The following TARDBP variants were observed in gnomAD, a reference collection of about 807,000 sequenced individuals.
TARDBP encodes the protein TAR DNA binding protein, also known as TAR DNA-binding protein 43.
In TARDBP, 4 loss-of-function variants were observed where a neutral mutation model predicts 38.3. That is an observed-to-expected ratio of 0.10 (90% CI 0.05 to 0.24). The LOEUF (loss-of-function observed/expected upper bound fraction) is 0.24, where lower values mean the gene tolerates loss of function less well. Ranked by LOEUF, TARDBP falls within the 10% of genes least tolerant of loss-of-function variation. The pLI is 1.00. For synonymous variants in TARDBP, 184 were observed against 183.8 expected (o/e 1.00, Z -0.01); for missense variants, 202 against 521.9 (o/e 0.39, Z 5.97).
downstream of TARDBP, chr1:11,027,603 C>G: frequency 1.2e-6 from 2 of 1,614,044 alleles, no homozygotes; most frequent in Non-Finnish European, 1.7e-6. Context: ...TGCCTTTTGC[C>G]CTCCATATAT....
Position 11,014,579 on chromosome 1 carries a change from T to A in TARDBP, c.238+614T>A, listed in dbSNP as rs529951439. 3.9e-5 allele frequency among the ~76,000 whole-genome samples: 6 copies of A among 152,358 alleles called. No individual in the cohort carries two copies. The South Asian group carries it at 1.2e-3, about 32-fold the overall frequency. ...ATCTGTCTGTGTGTTCCTTTTATTA[T>A]AACTTGGTATTGCAACAAAGTCCAT... is the stretch of plus-strand genomic sequence containing the variant. On this transcript the variant is annotated intron_variant, in intron 2 of 5. Transcript: ENST00000240185.
downstream of TARDBP, chr1:11,027,226 C>T (rs2100866983): frequency 6.2e-7 from 1 of 1,614,158 alleles, no homozygotes. Flanking sequence ...TGGGTTAATC[C>T]CCATCCAGAT....
chr1:11,028,613 C>T (rs562890637), downstream of TARDBP, among the ~76,000 whole-genome samples: 4 of 151,524 alleles, frequency 2.6e-5, no homozygotes, highest in African/African-American at 7.3e-5. Flanking sequence ...TACCTACAGA[C>T]GTTGTGTTAG....
rs765392429 is a variant in TARDBP, at chr1:11,020,631, G to C, written c.714+32G>C. The stretch of plus-strand genomic sequence containing the variant: ...TTCTCCTTAACGATATGTCCCGGCC[G>C]GGCGTGGTGGCTCATGCTTACAATC... On this transcript the variant is annotated intron_variant, in intron 5 of 5. Coordinates refer to ENST00000240185, the MANE Select transcript of TARDBP (RefSeq NM_007375.4). The C allele has an allele frequency of 6.3e-6, 10 of 1,599,778 alleles. No individual in the cohort carries two copies. The African/African-American group carries it at 1.4e-4, about 23-fold the overall frequency.
chr1:11,023,659 G>A lies in TARDBP; in HGVS notation c.*1005G>A, dbSNP rs1206828097. ...CAAAGGACATCCACATCTGTTGGAA[G>A]ACTTTTAAGTGAGTTTTTGTTCTTA... is the stretch of plus-strand genomic sequence containing the variant. On this transcript the variant is annotated 3_prime_UTR_variant, in exon 6 of 6. Coordinates refer to ENST00000240185, the MANE Select transcript of TARDBP (RefSeq NM_007375.4). 1 of 211,370 alleles carries A rather than the reference G, an allele frequency of 4.7e-6. No homozygotes were observed. The highest frequency in any genetic ancestry group is 1.3e-4 in the South Asian group (1 of 7,432). 13.1% of individuals were successfully genotyped at this position (211,370 alleles called of 1,614,324 possible).
At chr1:11,014,021 C>T in intron 2 of TARDBP, 56 bp downstream of exon 2, 1 of 1,542,484 alleles carries the variant, frequency 6.5e-7, no homozygotes, top group Non-Finnish European at 9.0e-7. Flanking sequence ...GTGTGTGTCT[C>T]ATCCATGGAT....
In TARDBP at chr1:11,024,987, C is replaced by T. The variant is rs138320721; in HGVS notation, c.*2333C>T. 42 of 152,626 alleles carry T rather than the reference C, an allele frequency of 2.8e-4. No homozygotes were observed. The highest frequency in any genetic ancestry group is 9.4e-4 in the African/African-American group (39 of 41,540). The allele number at this position is 152,626 out of a possible 1,614,324, so 9.5% of individuals were successfully genotyped here. A position where few individuals can be genotyped will look rare whatever the true frequency, so the allele number is the denominator to read the frequency against. On this transcript the variant is annotated 3_prime_UTR_variant, in exon 6 of 6. Coordinates refer to ENST00000240185, the MANE Select transcript of TARDBP (RefSeq NM_007375.4). ...TGAAGTCATCCTTTAGACTTGTAATCGCCACATTGTTTCATTATTCAGTTT... is the reference window on the plus strand; with the variant it reads ...TGAAGTCATCCTTTAGACTTGTAATTGCCACATTGTTTCATTATTCAGTTT...
rs924156544 is a variant in TARDBP, at chr1:11,024,776, G to A, written c.*2122G>A. 1 of 152,646 alleles carries A rather than the reference G, an allele frequency of 6.6e-6. No individual in the cohort carries two copies. Among genetic ancestry groups the A allele is most frequent in the African/African-American group, 2.4e-5 (1 of 41,444 alleles). The allele number at this position is 152,646 out of a possible 1,614,324, so 9.5% of individuals were successfully genotyped here. A position where few individuals can be genotyped will look rare whatever the true frequency, so the allele number is the denominator to read the frequency against. On this transcript the variant is annotated 3_prime_UTR_variant, in exon 6 of 6. Coordinates refer to ENST00000240185, the MANE Select transcript of TARDBP (RefSeq NM_007375.4). ...TCACACTCTCACAATGCATTGTTAA[G>A]TATGTAAAAGCAATAACATTGATTC... is the stretch of plus-strand genomic sequence containing the variant.
chr1:11,019,344 C>T (rs746991959), intron 4 of TARDBP, among the ~76,000 whole-genome samples: 1 of 152,204 alleles, frequency 6.6e-6, no homozygotes, highest in Non-Finnish European at 1.5e-5. Context: ...GTTGATCAGT[C>T]AGCAGCAGAC....
chr1:11,021,864 A>G (rs575542474), intron 5 of TARDBP, among the ~76,000 whole-genome samples: 1 of 150,474 alleles, frequency 6.6e-6, no homozygotes, highest in Non-Finnish European at 1.5e-5. Context: ...CAGTCCTCCC[A>G]CCTTGGCCTC....
At chr1:11,020,268 C>A (rs762144585) in intron 4 of TARDBP, among the ~76,000 whole-genome samples, 161 bp from the exon 5 acceptor site, 8 of 152,104 alleles carry the variant, frequency 5.3e-5, no homozygotes, top group Non-Finnish European at 1.0e-4. Context: ...TGAAGCCTTA[C>A]AAGAAAAAGA....
At chr1:11,013,564 C>G (rs1408880658) in intron 1 of TARDBP, among the ~76,000 whole-genome samples, 152 bp from the exon 2 acceptor site, 2 of 152,152 alleles carry the variant, frequency 1.3e-5, no homozygotes, top group Admixed American at 6.6e-5. Context: ...TTACCTTCAC[C>G]TCGTCATTTT....
In TARDBP at chr1:11,022,860, T is replaced by G. The variant is rs1257832534; in HGVS notation, c.*206T>G. On this transcript the variant is annotated 3_prime_UTR_variant, in exon 6 of 6. Transcript: ENST00000240185. The surrounding 1 kb of genome is among the most constrained non-coding windows in gnomAD (Gnocchi z 4.5). ...TTTATAAGTTTTGTTACATGAAAGG[T>G]TGAAATATTGAGTGGTTGAAAGTGA... 1 of 1,370,428 alleles carries G rather than the reference T, an allele frequency of 7.3e-7. No individual in the cohort carries two copies. The highest frequency in any genetic ancestry group is 1.5e-5 in the African/African-American group (1 of 67,968). 84.9% of individuals were successfully genotyped at this position (1,370,428 alleles called of 1,614,324 possible).
At chr1:11,027,775 G>C (rs1164242791), downstream of TARDBP, 27 of 929,918 alleles carry the variant, frequency 2.9e-5, no homozygotes, top group Non-Finnish European at 2.9e-5. Flanking sequence ...ATTGGTGGGT[G>C]ACTACCTATA....
At chr1:11,015,590 A>C (rs528060691) in intron 2 of TARDBP, 1 of 151,260 alleles carries the variant, frequency 6.6e-6, no homozygotes, top group Admixed American at 6.6e-5. Flanking sequence ...GAATCACTTG[A>C]ACCCGGGAGG....
chr1:11,013,356 G>A (rs1643451980), intron 1 of TARDBP, among the ~76,000 whole-genome samples: 1 of 152,224 alleles, frequency 6.6e-6, no homozygotes, highest in Admixed American at 6.5e-5. Context: ...TCTGCCTTCA[G>A]GATTACTTAA....
chr1:11,017,297 G>A (rs921212540), intron 3 of TARDBP, among the ~76,000 whole-genome samples: 4 of 150,828 alleles, frequency 2.7e-5, no homozygotes, highest in East Asian at 2.0e-4. Context: ...TCCACCTCCC[G>A]GGTTTAAGTG....
At chr1:11,028,907 G>C (rs1643791462), downstream of TARDBP, among the ~76,000 whole-genome samples, 3 of 149,802 alleles carry the variant, frequency 2.0e-5, no homozygotes, top group South Asian at 6.4e-4. Context: ...TAGAGATGGG[G>C]TTTCACCGTT....
At chr1:11,027,036 A>C, downstream of TARDBP, 1 of 1,596,694 alleles carries the variant, frequency 6.3e-7, no homozygotes, top group Non-Finnish European at 8.5e-7. Context: ...TAGAAACACC[A>C]GTGCCCCTCC....
Sources: allele counts gnomAD v4.1 joint callset (sites outside exome capture counted in the v4.1 genomes callset), GRCh38; gene constraint gnomAD v4.1.1; non-coding constraint Gnocchi (gnomAD v3.1); transcripts MANE v1.5; gene names NCBI Gene and HGNC (gene_info 2026-07-23, HGNC 2026-07-21).